The following GRK7 variants were observed in gnomAD, a reference collection of about 807,000 sequenced individuals.
GRK7 encodes the protein G protein-coupled receptor kinase 7, also known as rhodopsin kinase GRK7.
In GRK7, 24 loss-of-function variants were observed where a neutral mutation model predicts 34.1. The observed-to-expected ratio is 0.70, with a 90% CI of 0.51 to 0.99. The LOEUF (loss-of-function observed/expected upper bound fraction) is 0.99. GRK7 is among the 50% of genes least tolerant of loss of function. The pLI is 0.00. For synonymous variants in GRK7, 256 were observed against 279.4 expected, an observed-to-expected ratio of 0.92 and a Z score of 0.84; for missense variants, 644 against 707.3, an observed-to-expected ratio of 0.91 and a Z score of 1.02.
In GRK7 at chr3:141,770,965, G is replaced by A. The variant is rs916772677; in HGVS notation, c.-214-3615G>A. 1.6e-4 allele frequency among the ~76,000 whole-genome samples: 24 copies of A among 145,926 alleles called. No homozygotes were observed. In the South Asian group the frequency reaches 2.0e-3, roughly 12 times the overall value. ...AGCCGTGATCACACCACTGCACTCC[G>A]GCCTGGGTGACTGAGTGATACCCAG... On this transcript the variant is annotated intron_variant, in intron 1 of 5. Transcript: ENST00000682958.
At chr3:141,785,588 A>C (rs1344022494) in intron 4 of GRK7, among the ~76,000 whole-genome samples, 1 of 152,014 alleles carries the variant, frequency 6.6e-6, no homozygotes, top group Admixed American at 6.6e-5. Flanking sequence ...ACATGTTGAA[A>C]CCCTGTCTCT....
intron 1 of GRK7, among the ~76,000 whole-genome samples, chr3:141,774,221 C>G (rs7652454): frequency 0.56 from 85,175 of 151,776 alleles, 26,178 homozygotes; most frequent in Middle Eastern, 0.75. Flanking sequence ...TTACATGAGG[C>G]CAGGAGTTCG....
intron 1 of GRK7, among the ~76,000 whole-genome samples, chr3:141,768,747 C>T (rs1341168169): frequency 3.3e-5 from 5 of 152,162 alleles, no homozygotes; most frequent in Non-Finnish European, 5.9e-5. Flanking sequence ...TCCAGTCAGG[C>T]TGAGAGTCCT....
chr3:141,793,930 A>G (rs1347571102), intron 4 of GRK7, among the ~76,000 whole-genome samples: 1 of 152,154 alleles, frequency 6.6e-6, no homozygotes, highest in Non-Finnish European at 1.5e-5. Context: ...GGGATACTCA[A>G]AGAGTGAGTA....
chr3:141,767,589 C>T (rs2084595623), intron 1 of GRK7, among the ~76,000 whole-genome samples: 1 of 151,864 alleles, frequency 6.6e-6, no homozygotes, highest in Non-Finnish European at 1.5e-5. Flanking sequence ...TTAGTAGAGA[C>T]GGGGTTTTGC....
At chr3:141,765,813 A>G (rs149275499) in intron 1 of GRK7, among the ~76,000 whole-genome samples, 75 bp downstream of exon 1, 1 of 152,334 alleles carries the variant, frequency 6.6e-6, no homozygotes, top group East Asian at 1.9e-4. Context: ...ATGAATAGAC[A>G]AATGAAACAT....
rs79299215 is a variant in GRK7, at chr3:141,764,578, T to C, written c.-1375T>C. Among the ~76,000 whole-genome samples the C allele has an allele frequency of 6.7e-3, 1,016 of 152,200 alleles. 7 individuals are homozygous for C. Among genetic ancestry groups the C allele is most frequent in the African/African-American group, 0.024 (978 of 41,534 alleles). ...CCACTGCCCTCACCTCCTCAAACTC[T>C]AGGGCTCAGTCCTTAGATTTCTCTG... On this transcript the variant is annotated 5_prime_UTR_variant, in exon 1 of 6. Coordinates refer to ENST00000682958, the MANE Select transcript of GRK7 (RefSeq NM_139209.3).
intron 4 of GRK7, among the ~76,000 whole-genome samples, chr3:141,806,473 G>A (rs1188111433): frequency 1.3e-5 from 2 of 152,102 alleles, no homozygotes; most frequent in Admixed American, 1.3e-4. Flanking sequence ...TGAGGCAGGA[G>A]AACGGCTTGA....
chr3:141,782,736 C>T (rs946731792), intron 4 of GRK7, among the ~76,000 whole-genome samples: 39 of 151,078 alleles, frequency 2.6e-4, no homozygotes, highest in African/African-American at 7.5e-4. Context: ...ACCCAGGAGG[C>T]GGAGCTTGCA....
rs567015467 is a variant in GRK7, at chr3:141,788,379, T to C, written c.1050+7568T>C. ...CCCACCAAGAGCTACTGTAATAATC[T>C]GCATATGAGGTAATGCGGGCCTGAG... On this transcript the variant is annotated intron_variant, in intron 4 of 5. Coordinates refer to ENST00000682958, the MANE Select transcript of GRK7 (RefSeq NM_139209.3). 9.9e-5 allele frequency among the ~76,000 whole-genome samples: 15 copies of C among 152,194 alleles called. 1 individual carries two copies. Among genetic ancestry groups the C allele is most frequent in the African/African-American group, 3.6e-4 (15 of 41,534 alleles).
intron 4 of GRK7, among the ~76,000 whole-genome samples, chr3:141,803,265 GAA>G (rs3057588): frequency 0.56 from 58,967 of 106,232 alleles, 14,897 homozygotes; most frequent in Middle Eastern, 0.66. Flanking sequence ...TGTCTCTACT[GAA>G]AAAAAAAAAA....
At chr3:141,757,137 T>C in the GRK7 span, among the ~76,000 whole-genome samples, 3 of 125,310 alleles carry the variant, frequency 2.4e-5, no homozygotes, top group Admixed American at 7.7e-5. Flanking sequence ...TTCTTTTTTT[T>C]TTTTTTTTTC....
chr3:141,798,842 T>C (rs1710919368), intron 4 of GRK7, among the ~76,000 whole-genome samples: 1 of 152,154 alleles, frequency 6.6e-6, no homozygotes. Context: ...TTCAAGGAGG[T>C]GGTGCCCTTC....
At chr3:141,783,936 A>C (rs535865481) in intron 4 of GRK7, among the ~76,000 whole-genome samples, 1 of 152,296 alleles carries the variant, frequency 6.6e-6, no homozygotes, top group East Asian at 1.9e-4. Context: ...TCGTGGATCC[A>C]TGTCTGCCTA....
chr3:141,807,881 C>T lies in GRK7; in HGVS notation c.1287C>T (p.Leu429=). Residue 429 remains leucine, a synonymous_variant, in exon 5 of 6, where the codon CTC becomes CTT. Coordinates refer to ENST00000682958, the MANE Select transcript of GRK7 (RefSeq NM_139209.3). The part of the protein sequence containing the change: ...FTEEAKDICR[L]FLAKKPEQRL... ...AGGAAGCAAAAGATATTTGCAGGCTCTTCTTGGCTAAGAAACCAGAGCAAC... is the reference window on the plus strand; with the variant it reads ...AGGAAGCAAAAGATATTTGCAGGCTTTTCTTGGCTAAGAAACCAGAGCAAC... 1 of 1,606,168 alleles carries T rather than the reference C, an allele frequency of 6.2e-7. No individual in the cohort carries two copies. Among genetic ancestry groups the T allele is most frequent in the Non-Finnish European group, 8.5e-7 (1 of 1,175,332 alleles).
At chr3:141,756,838 T>A in the GRK7 span, among the ~76,000 whole-genome samples, 1 of 152,246 alleles carries the variant, frequency 6.6e-6, no homozygotes, top group Non-Finnish European at 1.5e-5. Flanking sequence ...TTTCTCATCT[T>A]GTTCTGGTCC....
At chr3:141,772,776 A>G (rs2107873418) in intron 1 of GRK7, among the ~76,000 whole-genome samples, 1 of 152,318 alleles carries the variant, frequency 6.6e-6, no homozygotes, top group African/African-American at 2.4e-5. Context: ...AAATATTTAA[A>G]TTGCTTTCTA....
intron 2 of GRK7, among the ~76,000 whole-genome samples, chr3:141,776,581 G>C (rs1179947461): frequency 6.6e-6 from 1 of 152,188 alleles, no homozygotes; most frequent in Admixed American, 6.5e-5. Context: ...CCATCTCCAC[G>C]GCAGAGGTGA....
In GRK7 at chr3:141,778,098, C is replaced by T. The variant is rs1006369977; in HGVS notation, c.-113-74C>T. On this transcript the variant is annotated intron_variant, in intron 2 of 5. Coordinates refer to ENST00000682958, the MANE Select transcript of GRK7 (RefSeq NM_139209.3). This position sits in a 1 kb window ranked among gnomAD's most constrained non-coding sequence, Gnocchi z 4.1. ...ATGACCTATCGTGTGCAGTTCCTGG[C>T]GGGCTATACATAGCCAGTCAAAGCT... 4 of 661,060 alleles carry T rather than the reference C, an allele frequency of 6.1e-6. No homozygotes were observed. Among genetic ancestry groups the T allele is most frequent in the Non-Finnish European group, 9.8e-6 (4 of 406,726 alleles). The allele number at this position is 661,060 out of a possible 1,614,324, so 40.9% of individuals were successfully genotyped here. A position where few individuals can be genotyped will look rare whatever the true frequency, so the allele number is the denominator to read the frequency against.
Sources: gnomAD v4.1 joint callset for allele counts (sites outside exome capture counted in the v4.1 genomes callset) on GRCh38, gnomAD v4.1.1 for gene constraint, Gnocchi (gnomAD v3.1) non-coding constraint, MANE v1.5 for transcripts, NCBI Gene and HGNC (gene_info 2026-07-23, HGNC 2026-07-21) for gene names.